The following CCDC110 variants were observed in gnomAD, a reference collection of about 807,000 sequenced individuals.
CCDC110 encodes the protein coiled-coil domain containing 110.
A neutral mutation model predicts 77.1 loss-of-function variants in CCDC110; 70 were observed. The ratio of observed to expected loss-of-function variants is 0.91; its 90% CI spans 0.75 to 1.11. The LOEUF (loss-of-function observed/expected upper bound fraction) is 1.11, where lower values mean the gene tolerates loss of function less well. Ranked by LOEUF, CCDC110 falls within the 50% of genes least tolerant of loss-of-function variation. CCDC110 has a pLI of 0.00. For synonymous variants in CCDC110, 295 were observed against 312.5 expected (o/e 0.94, Z 0.59); for missense variants, 868 against 942.9 (o/e 0.92, Z 1.04).
rs780190687 is a variant in CCDC110 at position 185,458,446 on chromosome 4, TC to T, written c.2140del (p.Asp714IlefsTer5). On this transcript the variant is annotated frameshift_variant, in exon 6 of 7. Coordinates refer to ENST00000307588, the MANE Select transcript of CCDC110 (RefSeq NM_152775.4). LOFTEE classifies it high-confidence loss of function. Reference sequence around the variant, plus strand: ...TAGTTCTTCTTTTAGAATCTGATTATCTGTTTTGGTTTCCATTACCATTTTT... The same window carrying T: ...TAGTTCTTCTTTTAGAATCTGATTATTGTTTTGGTTTCCATTACCATTTTT... ...LSKMVMETKT[D>X]NQILKEELKK... The T allele has an allele frequency of 7.5e-6, 12 of 1,599,340 alleles. No individual in the cohort carries two copies. Among genetic ancestry groups the T allele is most frequent in the African/African-American group, 1.3e-5 (1 of 74,080 alleles).
intron 6 of CCDC110, among the ~76,000 whole-genome samples, chr4:185,447,470 A>G (rs558677198): frequency 8.4e-4 from 128 of 152,166 alleles, no homozygotes; most frequent in Non-Finnish European, 1.5e-3. Flanking sequence ...TTGATCCACC[A>G]CGCCCGGCCG....
At chr4:185,462,111 A>G (rs2095647518) in intron 4 of CCDC110, among the ~76,000 whole-genome samples, 1 of 152,068 alleles carries the variant, frequency 6.6e-6, no homozygotes, top group African/African-American at 2.4e-5. Context: ...AGCAAAGTGT[A>G]CTCTCTTCTC....
intron 2 of CCDC110, among the ~76,000 whole-genome samples, chr4:185,469,782 A>C (rs1428425378): frequency 6.6e-6 from 1 of 152,144 alleles, no homozygotes; most frequent in Non-Finnish European, 1.5e-5. Flanking sequence ...TGGCTGCTCT[A>C]GTCTCTTCTT....
chr4:185,460,913 AC>A (rs1335649274), intron 5 of CCDC110, 135 bp downstream of exon 5: 1 of 608,584 alleles, frequency 1.6e-6, no homozygotes, highest in South Asian at 1.5e-5. Context: ...GGTTTTCAGG[AC>A]CGGAGTTTCC....
Position 185,445,317 on chromosome 4 carries a change from T to A in CCDC110, c.*185A>T. 1.4e-6 allele frequency: 1 copy of A among 718,732 alleles called. No individual in the cohort carries two copies. Among genetic ancestry groups the A allele is most frequent in the Non-Finnish European group, 2.2e-6 (1 of 445,876 alleles). 44.5% of individuals were successfully genotyped at this position (718,732 alleles called of 1,614,324 possible). On this transcript the variant is annotated 3_prime_UTR_variant, in exon 7 of 7. Coordinates refer to ENST00000307588, the MANE Select transcript of CCDC110 (RefSeq NM_152775.4). The stretch of plus-strand genomic sequence containing the variant: ...CTTGTAGAAGTTCTCCCCCATCTTC[T>A]GAAATTCCCAGCTGAGAAAGCTTAA...
At chr4:185,462,619 A>T in intron 4 of CCDC110, 24 bp downstream of exon 4, 1 of 1,582,944 alleles carries the variant, frequency 6.3e-7, no homozygotes, top group Non-Finnish European at 8.7e-7. Flanking sequence ...GAGATATTTC[A>T]TATATAGATC....
rs964395575 is a variant in CCDC110 at position 185,459,060 on chromosome 4, T to C, written c.1527A>G (p.Lys509=). The C allele has an allele frequency of 6.4e-7, 1 of 1,563,284 alleles. No homozygotes were observed. The highest frequency in any genetic ancestry group is 1.4e-5 in the African/African-American group (1 of 72,914). ...EYSKECLKEF[K]KIISKYNVLQ... is the part of the protein sequence containing the mutation. ...GAACATTATATTTACTAATTATTTT[T>C]TTAAATTCTTTAAGACACTCTTTGC... Residue 509 remains lysine (K), a synonymous_variant, in exon 6 of 7, where the codon AAA becomes AAG. Coordinates refer to ENST00000307588, the MANE Select transcript of CCDC110 (RefSeq NM_152775.4).
chr4:185,468,258 G>C lies in CCDC110; in HGVS notation c.115+2687C>G, dbSNP rs2095659683. On this transcript the variant is annotated intron_variant, in intron 2 of 6. Coordinates refer to ENST00000307588, the MANE Select transcript of CCDC110 (RefSeq NM_152775.4). The surrounding 1 kb of genome is among the most constrained non-coding windows in gnomAD (Gnocchi z 4.5). ...GCTTTGCCACACACTCGCAGTGAGG[G>C]GATAACTCTAGGCGAGTGTCCAGTT... Among the ~76,000 whole-genome samples the C allele has an allele frequency of 6.6e-6, 1 of 152,180 alleles. No individual in the cohort carries two copies.
chr4:185,466,836 C>T (rs956408393), intron 2 of CCDC110, among the ~76,000 whole-genome samples: 4 of 152,016 alleles, frequency 2.6e-5, no homozygotes, highest in African/African-American at 9.7e-5. Context: ...TAATTCCGGA[C>T]AATGAGGGAG....
intron 2 of CCDC110, among the ~76,000 whole-genome samples, chr4:185,469,759 G>A (rs2095662585): frequency 6.6e-6 from 1 of 152,232 alleles, no homozygotes; most frequent in African/African-American, 2.4e-5. Flanking sequence ...GGTGTCTTCT[G>A]TCTACTGAGG....
rs1417186474 is a variant in CCDC110 at position 185,471,675 on chromosome 4, C to T, written c.9G>A (p.Pro3=). 18 of 1,555,516 alleles carry T rather than the reference C, an allele frequency of 1.2e-5. No individual in the cohort carries two copies. The highest frequency in any genetic ancestry group is 2.8e-5 in the African/African-American group (2 of 70,192). The change falls in exon 1 of 7, where the codon CCG becomes CCA. Residue 3 remains proline, a splice_region_variant and synonymous_variant. Coordinates refer to ENST00000307588, the MANE Select transcript of CCDC110 (RefSeq NM_152775.4). MS[P]EKQHREEDEV... The stretch of plus-strand genomic sequence containing the variant: ...AGCCCCGCCCCGTCCAACTCTTACC[C>T]GGGCTCATCGCCGCGGCTCATCTCT...
At chr4:185,446,051 G>C (rs183347301) in intron 6 of CCDC110, among the ~76,000 whole-genome samples, 2 of 152,146 alleles carry the variant, frequency 1.3e-5, no homozygotes, top group East Asian at 3.9e-4. Flanking sequence ...ATGTTGGTAA[G>C]GCTGGTCTCG....
intron 2 of CCDC110, among the ~76,000 whole-genome samples, chr4:185,463,466 G>T (rs1034119637): frequency 2.0e-5 from 3 of 152,178 alleles, no homozygotes; most frequent in Non-Finnish European, 2.9e-5. Context: ...AACCAAGTTG[G>T]ATCAACAGCA....
intron 2 of CCDC110, among the ~76,000 whole-genome samples, chr4:185,464,501 T>C (rs942639050): frequency 5.3e-5 from 8 of 152,176 alleles, no homozygotes; most frequent in African/African-American, 1.7e-4. Flanking sequence ...CCTGGTATCC[T>C]GAACTGTTCA....
intron 6 of CCDC110, among the ~76,000 whole-genome samples, chr4:185,456,007 A>G (rs2095635521): frequency 6.6e-6 from 1 of 152,204 alleles, no homozygotes; most frequent in Non-Finnish European, 1.5e-5. Flanking sequence ...CAGACACAAG[A>G]TCAGTACAGA....
Position 185,462,774 on chromosome 4 carries a change from T to C in CCDC110, c.172-66A>G, listed in dbSNP as rs889446464. The stretch of plus-strand genomic sequence containing the variant: ...AGGTAAACGTATTCTTGAATTGTTA[T>C]GATTTTATGTCTCCCAAAGTTGCCT... On this transcript the variant is annotated intron_variant, in intron 3 of 6. Coordinates refer to ENST00000307588, the MANE Select transcript of CCDC110 (RefSeq NM_152775.4). 6.6e-6 allele frequency: 9 copies of C among 1,372,552 alleles called. No homozygotes were observed. The East Asian group carries it at 9.2e-5, about 14-fold the overall frequency. The allele number at this position is 1,372,552 out of a possible 1,614,324, so 85.0% of individuals were successfully genotyped here. A position where few individuals can be genotyped will look rare whatever the true frequency, so the allele number is the denominator to read the frequency against.
At chr4:185,445,850 T>A (rs1408345972) in intron 6 of CCDC110, among the ~76,000 whole-genome samples, 1 of 152,202 alleles carries the variant, frequency 6.6e-6, no homozygotes, top group Non-Finnish European at 1.5e-5. Flanking sequence ...ATTTCTTTTT[T>A]ATTTTTTTGA....
At chr4:185,445,569 A>G (rs768153888) in intron 6 of CCDC110, 27 bp from the exon 7 acceptor site, 14 of 1,392,990 alleles carry the variant, frequency 1.0e-5, no homozygotes, top group Non-Finnish European at 1.4e-5. Context: ...TATTCTGGTT[A>G]ATTAAAAATG....
intron 5 of CCDC110, chr4:185,460,744 T>A (rs924741335): frequency 3.0e-6 from 1 of 330,132 alleles, no homozygotes; most frequent in Admixed American, 4.4e-5. Flanking sequence ...ACCCCAGACC[T>A]AGGTCAATCC....
Sources: gnomAD v4.1 joint callset for allele counts (sites outside exome capture counted in the v4.1 genomes callset) on GRCh38, gnomAD v4.1.1 for gene constraint, Gnocchi (gnomAD v3.1) non-coding constraint, MANE v1.5 for transcripts, NCBI Gene and HGNC (gene_info 2026-07-23, HGNC 2026-07-21) for gene names.